CRTC3: variants seen among roughly 807,000 people sequenced by gnomAD.
The protein encoded by CRTC3 is CREB regulated transcription coactivator 3, also known as CREB-regulated transcription coactivator 3.
Under a neutral mutation model 74.5 loss-of-function variants are expected in CRTC3, and 26 were observed. The observed-to-expected ratio is 0.35, with a 90% CI of 0.26 to 0.48. The LOEUF is 0.48. Among genes scored for constraint, CRTC3 ranks in the 20% least tolerant of loss-of-function variants. The pLI is 0.99. For synonymous variants in CRTC3, 377 were observed against 325.8 expected, an observed-to-expected ratio of 1.16 and a Z score of -1.69; for missense variants, 760 against 787.3, an observed-to-expected ratio of 0.97 and a Z score of 0.41.
chr15:90,537,272 A>C (rs189643210), intron 1 of CRTC3, among the ~76,000 whole-genome samples: 30 of 152,216 alleles, frequency 2.0e-4, no homozygotes, highest in Non-Finnish European at 3.7e-4. Flanking sequence ...TTGACATACC[A>C]CTCTTGTGTC....
At chr15:90,584,964 T>G (rs1967626524) in intron 2 of CRTC3, among the ~76,000 whole-genome samples, 2 of 152,180 alleles carry the variant, frequency 1.3e-5, no homozygotes, top group South Asian at 4.1e-4. Context: ...ACCGTTTACA[T>G]AAATATTAAG....
intron 11 of CRTC3, among the ~76,000 whole-genome samples, chr15:90,631,629 G>C (rs1358980966): frequency 6.6e-6 from 1 of 151,612 alleles, no homozygotes; most frequent in African/African-American, 2.4e-5. Flanking sequence ...TCAGGATGCT[G>C]CGACGTGAGA....
chr15:90,530,122 G>C lies in CRTC3; in HGVS notation c.51G>C (p.Glu17Asp), dbSNP rs773241141. 6.8e-7 allele frequency: 1 copy of C among 1,461,012 alleles called. No homozygotes were observed. The highest frequency in any genetic ancestry group is 1.2e-5 in the South Asian group (1 of 82,602). The allele number at this position is 1,461,012 out of a possible 1,614,324, so 90.5% of individuals were successfully genotyped here. Residue 17 changes from glutamate (E) to aspartate (D), a missense_variant, in exon 1 of 15, where the codon GAG becomes GAC. Physicochemically the swap from Glu to Asp is conservative, Grantham distance 45. Coordinates refer to ENST00000268184, the MANE Select transcript of CRTC3 (RefSeq NM_022769.5). This position sits in a 1 kb window ranked among gnomAD's most constrained non-coding sequence, Gnocchi z 6.2. ...GCGCCAACCCGCGGAAGTTCAGTGA[G>C]AAGATCGCGCTGCACACGCAGAGAC... ...SGSANPRKFS[E>D]KIALHTQRQA...
At chr15:90,602,223 A>T in intron 3 of CRTC3, 101 bp from the exon 4 acceptor site, 1 of 715,270 alleles carries the variant, frequency 1.4e-6, no homozygotes, top group Non-Finnish European at 2.5e-6. Context: ...TACAGGGATA[A>T]GGAACCAAAA....
At chr15:90,627,866 G>A (rs1374193504) in intron 10 of CRTC3, among the ~76,000 whole-genome samples, 1 of 132,908 alleles carries the variant, frequency 7.5e-6, no homozygotes, top group Non-Finnish European at 1.6e-5. Context: ...CACCCGCCTC[G>A]GCCTCCCAAA....
intron 3 of CRTC3, among the ~76,000 whole-genome samples, chr15:90,601,997 C>T (rs1968082473): frequency 1.3e-5 from 2 of 152,140 alleles, no homozygotes; most frequent in East Asian, 3.9e-4. Context: ...GAATCCTGGG[C>T]CTGGGTCCCT....
chr15:90,608,306 A>G (rs1968277890), intron 6 of CRTC3, among the ~76,000 whole-genome samples: 1 of 152,160 alleles, frequency 6.6e-6, no homozygotes, highest in Non-Finnish European at 1.5e-5. Flanking sequence ...GAAAGAGCCC[A>G]GATCTTCTTT....
chr15:90,536,272 A>G (rs1966717491), intron 1 of CRTC3, among the ~76,000 whole-genome samples: 1 of 152,054 alleles, frequency 6.6e-6, no homozygotes, highest in Admixed American at 6.6e-5. Context: ...GCCATGGCTC[A>G]TGCCTGTAAT....
In CRTC3 at chr15:90,644,248, C is replaced by A. The variant is rs947120252; in HGVS notation, c.*2108C>A. ...GGCTTTTTGTTAAAGAGCCTTCAGT[C>A]GCAATGCTACCCAGCACCCCATGTG... On this transcript the variant is annotated 3_prime_UTR_variant, in exon 15 of 15. Transcript: ENST00000268184. 4.4e-6 allele frequency: 1 copy of A among 229,044 alleles called. No homozygotes were observed. Among genetic ancestry groups the A allele is most frequent in the Non-Finnish European group, 8.7e-6 (1 of 115,586 alleles). 14.2% of individuals were successfully genotyped at this position (229,044 alleles called of 1,614,324 possible).
intron 1 of CRTC3, among the ~76,000 whole-genome samples, chr15:90,532,663 G>T (rs1252979007): frequency 6.6e-6 from 1 of 152,176 alleles, no homozygotes; most frequent in Non-Finnish European, 1.5e-5. Flanking sequence ...TAGTGGGTAG[G>T]ATAGACTAGA....
chr15:90,561,162 G>C (rs933891736), intron 2 of CRTC3, among the ~76,000 whole-genome samples: 1 of 152,100 alleles, frequency 6.6e-6, no homozygotes, highest in Admixed American at 6.5e-5. Context: ...GATTAAGTTA[G>C]GTAATGCATG....
intron 10 of CRTC3, among the ~76,000 whole-genome samples, chr15:90,626,654 T>C (rs6496711): frequency 0.26 from 39,296 of 150,030 alleles, 6,231 homozygotes; most frequent in African/African-American, 0.46. Context: ...CTCTGTCACC[T>C]AGGCTAGAGT....
In CRTC3 at chr15:90,629,576, G is replaced by A. The variant is rs751992054; in HGVS notation, c.1266+44G>A. 2.0e-5 allele frequency: 32 copies of A among 1,590,582 alleles called. No homozygotes were observed. The East Asian group carries it at 7.2e-4, about 36-fold the overall frequency. On this transcript the variant is annotated intron_variant, in intron 11 of 14. Coordinates refer to ENST00000268184, the MANE Select transcript of CRTC3 (RefSeq NM_022769.5). Reference sequence around the variant, plus strand: ...ACCAACCACTACAGTGAAACAGACTGCAAGATATAGGAAGTGCATTCCTCC... The same window carrying A: ...ACCAACCACTACAGTGAAACAGACTACAAGATATAGGAAGTGCATTCCTCC...
chr15:90,553,594 C>T (rs891246364), intron 2 of CRTC3, among the ~76,000 whole-genome samples: 4 of 152,116 alleles, frequency 2.6e-5, no homozygotes, highest in Non-Finnish European at 5.9e-5. Context: ...GGCGGGGAAA[C>T]GTTGGTCCCA....
intron 2 of CRTC3, among the ~76,000 whole-genome samples, chr15:90,586,183 C>G (rs899299206): frequency 1.3e-5 from 2 of 152,086 alleles, no homozygotes; most frequent in Non-Finnish European, 2.9e-5. Flanking sequence ...ATTGAAGCTA[C>G]TAAGAGTTGT....
chr15:90,644,399 C>G lies in CRTC3; in HGVS notation c.*2259C>G, dbSNP rs535118616. 2 of 231,206 alleles carry G rather than the reference C, an allele frequency of 8.7e-6. No individual in the cohort carries two copies. The highest frequency in any genetic ancestry group is 3.6e-4 in the South Asian group (2 of 5,506). The allele number at this position is 231,206 out of a possible 1,614,324, so 14.3% of individuals were successfully genotyped here. A position where few individuals can be genotyped will look rare whatever the true frequency, so the allele number is the denominator to read the frequency against. On this transcript the variant is annotated 3_prime_UTR_variant, in exon 15 of 15. Transcript: ENST00000268184. ...GAGGTCTCAGCATAGTCACTCTTCACATAGTGCCTTACCCATGGGTATCGT... is the reference window on the plus strand; with the variant it reads ...GAGGTCTCAGCATAGTCACTCTTCAGATAGTGCCTTACCCATGGGTATCGT...
chr15:90,580,513 T>A (rs1967513871), intron 2 of CRTC3, among the ~76,000 whole-genome samples: 1 of 151,870 alleles, frequency 6.6e-6, no homozygotes, highest in African/African-American at 2.4e-5. Context: ...ACTGCACCTC[T>A]GCCTCCTGGG....
rs117327775 is a variant in CRTC3 at position 90,573,132 on chromosome 15, G to A, written c.232-20504G>A. 1.2e-4 allele frequency among the ~76,000 whole-genome samples: 18 copies of A among 152,120 alleles called. No individual in the cohort carries two copies. The South Asian group carries it at 1.2e-3, about 11-fold the overall frequency. On this transcript the variant is annotated intron_variant, in intron 2 of 14. Coordinates refer to ENST00000268184, the MANE Select transcript of CRTC3 (RefSeq NM_022769.5). ...TGAATTTAACTATTCTAGGTGTCTC[G>A]TACAAGTTAAATTACACACTATTTG... is the stretch of plus-strand genomic sequence containing the variant.
intron 2 of CRTC3, among the ~76,000 whole-genome samples, chr15:90,569,315 CCTTT>C (rs1000707545): frequency 5.1e-5 from 3 of 58,776 alleles, no homozygotes; most frequent in African/African-American, 2.7e-4. Context: ...GTAAACAAAA[CCTTT>C]TTTTTTTTTT....
Sources: gnomAD v4.1 joint callset for allele counts (sites outside exome capture counted in the v4.1 genomes callset) on GRCh38, gnomAD v4.1.1 for gene constraint, Gnocchi (gnomAD v3.1) non-coding constraint, MANE v1.5 for transcripts, NCBI Gene and HGNC (gene_info 2026-07-23, HGNC 2026-07-21) for gene names.